The following RUNX3 variants were observed in gnomAD, a reference collection of about 807,000 sequenced individuals.
RUNX3 encodes RUNX family transcription factor 3.
A neutral mutation model predicts 27.7 loss-of-function variants in RUNX3; 10 were observed. The observed-to-expected ratio is 0.36, with a 90% CI of 0.22 to 0.61. The LOEUF is 0.61. Ranked by LOEUF, RUNX3 falls within the 20% of genes least tolerant of loss-of-function variation. The pLI is 0.72. For missense variants in RUNX3, 469 were observed against 629.5 expected, an observed-to-expected ratio of 0.75 and a Z score of 2.73; for synonymous variants, 270 against 269.2, an observed-to-expected ratio of 1.00 and a Z score of -0.03.
intron 2 of RUNX3, among the ~76,000 whole-genome samples, chr1:24,955,196 A>G (rs1259361654): frequency 5.3e-5 from 8 of 152,134 alleles, no homozygotes; most frequent in African/African-American, 1.9e-4. Flanking sequence ...GTATTTGAGA[A>G]GGGCCTGAAG....
intron 3 of RUNX3, 133 bp from the exon 4 acceptor site, chr1:24,907,550 G>A (rs988878273): frequency 2.2e-5 from 19 of 847,782 alleles, no homozygotes; most frequent in South Asian, 1.1e-4. Flanking sequence ...TGAGGTCACC[G>A]CCAGCCTCTT....
At chr1:24,952,994 A>T (rs1359105532) in intron 2 of RUNX3, among the ~76,000 whole-genome samples, 1 of 152,064 alleles carries the variant, frequency 6.6e-6, no homozygotes, top group Non-Finnish European at 1.5e-5. Context: ...AAAACTTAAA[A>T]TTTTTACTAT....
rs559213258 is a variant in RUNX3 at position 24,911,809 on chromosome 1, C to T, written c.545-4392G>A. 2.6e-5 allele frequency among the ~76,000 whole-genome samples: 4 copies of T among 152,358 alleles called. No individual in the cohort carries two copies. The South Asian group carries it at 6.2e-4, about 24-fold the overall frequency. On this transcript the variant is annotated intron_variant, in intron 3 of 4. Transcript: ENST00000308873. ...GCTTCACCATGAGACCGACGCTGAG[C>T]GCCTGTTCCGGGACCCAGGCTGTGG...
At chr1:24,919,146 G>A (rs1014924035) in intron 3 of RUNX3, 94 bp downstream of exon 3, 2 of 730,960 alleles carry the variant, frequency 2.7e-6, no homozygotes, top group Non-Finnish European at 4.5e-6. Flanking sequence ...GCAACCCCCC[G>A]AGGAGGGCTC....
rs200343212 is a variant in RUNX3 at position 24,901,041 on chromosome 1, T to TTG, written c.*1080_*1081insCA. ...TGTTTTTTTTTTGTTTTTTTGTTTT[T>TTG]TTTTTTTTTTTGCTCAGGACTATTT... On this transcript the variant is annotated 3_prime_UTR_variant, in exon 5 of 5. Transcript: ENST00000308873. The TTG allele has an allele frequency of 2.1e-5, 3 of 144,854 alleles. No individual in the cohort carries two copies. Among genetic ancestry groups the TTG allele is most frequent in the African/African-American group, 8.3e-5 (3 of 36,248 alleles). 9.0% of individuals were successfully genotyped at this position (144,854 alleles called of 1,614,324 possible). A position where few individuals can be genotyped will look rare whatever the true frequency, so the allele number is the denominator to read the frequency against.
intron 3 of RUNX3, among the ~76,000 whole-genome samples, chr1:24,913,962 A>C (rs1303829903): frequency 2.6e-5 from 4 of 152,230 alleles, no homozygotes; most frequent in Non-Finnish European, 4.4e-5. Flanking sequence ...GTCGTCTCCA[A>C]GGGTCATATC....
At position 24,901,024 on chromosome 1, in the gene RUNX3, TTTTG is replaced by T. The variant is rs1410592755; in HGVS notation, c.*1094_*1097del. ...AGTTTTAAAAACTGTTTTGTTTTTT[TTTTG>T]TTTTTTTGTTTTTTTTTTTTTTTTG... On this transcript the variant is annotated 3_prime_UTR_variant, in exon 5 of 5. Coordinates refer to ENST00000308873, the MANE Select transcript of RUNX3 (RefSeq NM_004350.3). 49 of 143,354 alleles carry T rather than the reference TTTTG, an allele frequency of 3.4e-4. No homozygotes were observed. Among genetic ancestry groups the T allele is most frequent in the African/African-American group, 1.0e-3 (35 of 34,184 alleles). The allele number at this position is 143,354 out of a possible 1,614,324, so 8.9% of individuals were successfully genotyped here. A position where few individuals can be genotyped will look rare whatever the true frequency, so the allele number is the denominator to read the frequency against.
At chr1:24,918,000 C>T (rs1211384214) in intron 3 of RUNX3, among the ~76,000 whole-genome samples, 1 of 152,196 alleles carries the variant, frequency 6.6e-6, no homozygotes, top group Non-Finnish European at 1.5e-5. Flanking sequence ...GGAGTGTGGC[C>T]AGGGCAAGTG....
intron 2 of RUNX3, among the ~76,000 whole-genome samples, chr1:24,942,771 G>T (rs1176995532): frequency 6.6e-6 from 1 of 152,248 alleles, no homozygotes; most frequent in Non-Finnish European, 1.5e-5. Context: ...TGCAGTGCAG[G>T]AAACTGAGGC....
chr1:24,955,626 G>T (rs896756550), intron 2 of RUNX3, among the ~76,000 whole-genome samples: 1 of 152,210 alleles, frequency 6.6e-6, no homozygotes, highest in Admixed American at 6.5e-5. Flanking sequence ...TAAGGTCTGG[G>T]CTGAATCTCG....
intron 3 of RUNX3, among the ~76,000 whole-genome samples, chr1:24,910,528 G>A (rs554445711): frequency 3.3e-5 from 5 of 152,306 alleles, no homozygotes; most frequent in South Asian, 4.1e-4. Context: ...GACAGAGCCC[G>A]AGGCCTCGCA....
At chr1:24,929,022 C>A (rs1160979496) in intron 1 of RUNX3, 4 of 456,920 alleles carry the variant, frequency 8.8e-6, no homozygotes, top group South Asian at 4.6e-5. Flanking sequence ...GGTTAGGGGT[C>A]CCCCAATCTC....
chr1:24,960,917 C>T (rs1046883191), intron 2 of RUNX3, among the ~76,000 whole-genome samples: 1 of 152,056 alleles, frequency 6.6e-6, no homozygotes, highest in Non-Finnish European at 1.5e-5. Context: ...TCCCCCTTGT[C>T]CTGCCTGGGG....
chr1:24,908,118 TGATCCAAACCTCTATGACAC>T, intron 3 of RUNX3, among the ~76,000 whole-genome samples: 1 of 140,030 alleles, frequency 7.1e-6, no homozygotes, highest in African/African-American at 2.8e-5. Context: ...CGACACGCGG[TGATCCAAACCTCTATGACAC>T]GCGGTGATCC....
In RUNX3 at chr1:24,923,455, C is replaced by T. The variant is rs932727122; in HGVS notation, c.440-4111G>A. Among the ~76,000 whole-genome samples the T allele has an allele frequency of 2.0e-5, 3 of 152,200 alleles. No individual in the cohort carries two copies. The highest frequency in any genetic ancestry group is 6.5e-5 in the Admixed American group (1 of 15,286). ...TGTGCAGGAGTCCCAGGCAAACCTGCAATCCATCAGGAGCCCAGGAAGTGT... is the reference window on the plus strand; with the variant it reads ...TGTGCAGGAGTCCCAGGCAAACCTGTAATCCATCAGGAGCCCAGGAAGTGT... On this transcript the variant is annotated intron_variant, in intron 2 of 4. Coordinates refer to ENST00000308873, the MANE Select transcript of RUNX3 (RefSeq NM_004350.3). This position sits in a 1 kb window ranked among gnomAD's most constrained non-coding sequence, Gnocchi z 5.9.
At chr1:24,964,789 TGAGA>T (rs770968617) in intron 1 of RUNX3, 303 of 1,224,432 alleles carry the variant, frequency 2.5e-4, no homozygotes, top group Non-Finnish European at 3.2e-4. Context: ...TGTGTGTGAG[TGAGA>T]GAGAGAAAAA....
At chr1:24,913,036 G>C (rs1640825050) in intron 3 of RUNX3, among the ~76,000 whole-genome samples, 1 of 152,176 alleles carries the variant, frequency 6.6e-6, no homozygotes, top group South Asian at 2.1e-4. Context: ...ATCATACCCT[G>C]CTCTAGACCA....
chr1:24,918,038 G>A (rs1640921012), intron 3 of RUNX3, among the ~76,000 whole-genome samples: 1 of 152,220 alleles, frequency 6.6e-6, no homozygotes, highest in Non-Finnish European at 1.5e-5. Flanking sequence ...GTGCAGGCCT[G>A]AGGATGCGTG....
intron 2 of RUNX3, among the ~76,000 whole-genome samples, chr1:24,950,492 C>T (rs1195049726): frequency 1.3e-5 from 2 of 152,214 alleles, no homozygotes; most frequent in South Asian, 2.1e-4. Context: ...CACACTAATT[C>T]AGAGCGAAAA....
Sources: gnomAD v4.1 joint callset for allele counts (sites outside exome capture counted in the v4.1 genomes callset) on GRCh38, gnomAD v4.1.1 for gene constraint, Gnocchi (gnomAD v3.1) non-coding constraint, MANE v1.5 for transcripts, NCBI Gene and HGNC (gene_info 2026-07-23, HGNC 2026-07-21) for gene names.